SNCG: variants seen among roughly 807,000 people sequenced by gnomAD.
SNCG encodes synuclein gamma, also known as gamma-synuclein.
In SNCG, 13 loss-of-function variants were observed where a neutral mutation model predicts 16.0. The ratio of observed to expected loss-of-function variants is 0.81; its 90% CI spans 0.53 to 1.29. SNCG has a LOEUF of 1.29. Among genes scored for constraint, SNCG ranks in the 50% most tolerant of loss-of-function variants. SNCG has a pLI of 0.00. For missense variants in SNCG, 154 were observed against 168.5 expected, an observed-to-expected ratio of 0.91 and a Z score of 0.48; for synonymous variants, 66 against 66.3, an observed-to-expected ratio of 1.00 and a Z score of 0.02.
chr10:86,958,364 A>C, upstream of SNCG: 2 of 985,400 alleles, frequency 2.0e-6, no homozygotes, highest in Non-Finnish European at 2.4e-6. Flanking sequence ...TGAATGAGGG[A>C]CAGGTTGGGA....
intron 3 of SNCG, among the ~76,000 whole-genome samples, chr10:86,962,353 CTG>C (rs1844368078): frequency 6.6e-6 from 1 of 152,204 alleles, no homozygotes; most frequent in African/African-American, 2.4e-5. Flanking sequence ...TTCCCAGAGA[CTG>C]GGGACCAGCT....
At chr10:86,960,201 C>A (rs1206838230) in intron 3 of SNCG, 73 bp downstream of exon 3, 2 of 1,421,062 alleles carry the variant, frequency 1.4e-6, no homozygotes, top group Non-Finnish European at 1.9e-6. Flanking sequence ...GGCGGCATCA[C>A]TCCACTCCAC....
rs182117033 is a variant in SNCG, at chr10:86,962,697, T to A, written c.363+22T>A. On this transcript the variant is annotated intron_variant, in intron 4 of 4. Transcript: ENST00000372017. Reference sequence around the variant, plus strand: ...GGAGGTAGGAGCTGGGCTCCTGGGGTGCACCATGGGGGGTTCCTTGGTAGG... The same window carrying A: ...GGAGGTAGGAGCTGGGCTCCTGGGGAGCACCATGGGGGGTTCCTTGGTAGG... The A allele has an allele frequency of 1.4e-4, 224 of 1,588,436 alleles. 3 individuals carry two copies. The East Asian group carries it at 5.0e-3, about 35-fold the overall frequency.
chr10:86,961,005 G>A (rs188318510), intron 3 of SNCG, among the ~76,000 whole-genome samples: 8 of 152,332 alleles, frequency 5.3e-5, no homozygotes, highest in Admixed American at 2.6e-4. Flanking sequence ...CTGTGGCAGT[G>A]TAAGTGGTGG....
In SNCG at chr10:86,959,842, C is replaced by T. The variant is rs566092910; in HGVS notation, c.164-159C>T. The T allele has an allele frequency of 3.9e-4, 519 of 1,319,532 alleles. No homozygotes were observed. The highest frequency in any genetic ancestry group is 5.1e-4 in the Non-Finnish European group (498 of 968,184). 81.7% of individuals were successfully genotyped at this position (1,319,532 alleles called of 1,614,324 possible). Reference sequence around the variant, plus strand: ...TAAACTAGGGTGGGCGTCTCCTTACCCCCACCAGCATCAGAGGTGCCCTGG... The same window carrying T: ...TAAACTAGGGTGGGCGTCTCCTTACTCCCACCAGCATCAGAGGTGCCCTGG... On this transcript the variant is annotated intron_variant, in intron 2 of 4. Transcript: ENST00000372017. The surrounding 1 kb of genome is among the most constrained non-coding windows in gnomAD (Gnocchi z 4.3).
chr10:86,963,123 G>C lies in SNCG; in HGVS notation c.*138G>C, dbSNP rs528732147. 7.2e-6 allele frequency: 6 copies of C among 833,674 alleles called. No individual in the cohort carries two copies. The South Asian group carries it at 1.0e-4, about 14-fold the overall frequency. 51.6% of individuals were successfully genotyped at this position (833,674 alleles called of 1,614,324 possible). ...GCCCTCGTCTCCCTGGCCACCCTTGGCCTGTCCACCTGTGCTGCTGCACCA... is the reference window on the plus strand; with the variant it reads ...GCCCTCGTCTCCCTGGCCACCCTTGCCCTGTCCACCTGTGCTGCTGCACCA... On this transcript the variant is annotated 3_prime_UTR_variant, in exon 5 of 5. Transcript: ENST00000372017.
intron 4 of SNCG, 131 bp downstream of exon 4, chr10:86,962,806 G>C: frequency 8.8e-7 from 1 of 1,130,928 alleles, no homozygotes; most frequent in South Asian, 1.5e-5. Context: ...AGCCCCTACA[G>C]GGACTGTGTA....
rs540522786 is a variant in SNCG, at chr10:86,958,739, C to A, written c.42C>A (p.Gly14=). 2 of 1,613,952 alleles carry A rather than the reference C, an allele frequency of 1.2e-6. No homozygotes were observed. The highest frequency in any genetic ancestry group is 1.3e-5 in the African/African-American group (1 of 75,058). The change falls in exon 1 of 5, where the codon GGC becomes GGA. Residue 14 remains glycine (G), a synonymous_variant. Coordinates refer to ENST00000372017, the MANE Select transcript of SNCG (RefSeq NM_003087.3). ...FKKGFSIAKE[G]VVGAVEKTKQ... is the part of the protein sequence containing the mutation. ...AGGGCTTCTCCATCGCCAAGGAGGG[C>A]GTGGTGGGTGCGGTGGAAAAGACCA...
rs1308870050 is a variant in SNCG, at chr10:86,959,669, C to T, written c.158C>T (p.Thr53Ile). The change falls in exon 2 of 5, where the codon ACC (threonine) becomes ATC (isoleucine). Residue 53 changes from threonine (T) to isoleucine (I), a missense_variant. By Grantham distance (89) the Thr-to-Ile change is moderately conservative (BLOSUM62 -1). Coordinates refer to ENST00000372017, the MANE Select transcript of SNCG (RefSeq NM_003087.3). The surrounding 1 kb of genome is among the most constrained non-coding windows in gnomAD (Gnocchi z 4.3). Reference protein sequence around the residue: ...KTKENVVQSVTSVAEKTKEQA... With the variant: ...KTKENVVQSVISVAEKTKEQA... Reference sequence around the variant, plus strand: ...AAGGAGAATGTTGTACAGAGCGTGACCTCAGGTGAGAAGCCCCAGGGCCAG... The same window carrying T: ...AAGGAGAATGTTGTACAGAGCGTGATCTCAGGTGAGAAGCCCCAGGGCCAG... 1 of 1,609,854 alleles carries T rather than the reference C, an allele frequency of 6.2e-7. No homozygotes were observed. The highest frequency in any genetic ancestry group is 1.3e-5 in the African/African-American group (1 of 74,782).
chr10:86,957,742 A>T (rs1844260615), upstream of SNCG: 2 of 1,377,084 alleles, frequency 1.5e-6, no homozygotes, highest in African/African-American at 1.5e-5. Context: ...GGGGCCGCCA[A>T]CCACACAAGC....
Position 86,959,524 on chromosome 10 carries a change from T to A in SNCG, c.122-109T>A. Reference sequence around the variant, plus strand: ...GGCCGCCGGCCCCCAGACACCATCCTTACCCCCCCACCGACCCCACAGTTT... The same window carrying A: ...GGCCGCCGGCCCCCAGACACCATCCATACCCCCCCACCGACCCCACAGTTT... On this transcript the variant is annotated intron_variant, in intron 1 of 4. Coordinates refer to ENST00000372017, the MANE Select transcript of SNCG (RefSeq NM_003087.3). This position sits in a 1 kb window ranked among gnomAD's most constrained non-coding sequence, Gnocchi z 4.3. The A allele has an allele frequency of 1.1e-6, 1 of 901,088 alleles. No homozygotes were observed. Among genetic ancestry groups the A allele is most frequent in the Non-Finnish European group, 1.8e-6 (1 of 557,444 alleles). The allele number at this position is 901,088 out of a possible 1,614,324, so 55.8% of individuals were successfully genotyped here.
chr10:86,962,522 G>T (rs994115018), intron 3 of SNCG, 82 bp from the exon 4 acceptor site: 49 of 1,016,292 alleles, frequency 4.8e-5, no homozygotes, highest in Non-Finnish European at 7.1e-5. Flanking sequence ...TTGAGGCCAG[G>T]GTAGACAAGG....
upstream of SNCG, chr10:86,957,316 T>G: frequency 6.4e-7 from 1 of 1,566,006 alleles, no homozygotes; most frequent in Non-Finnish European, 8.8e-7. Context: ...GAGGCTCTGC[T>G]CTAGCTGAGC....
chr10:86,963,137 G>A lies in SNCG; in HGVS notation c.*152G>A, dbSNP rs1287181140. The A allele has an allele frequency of 4.6e-6, 3 of 647,312 alleles. No individual in the cohort carries two copies. Among genetic ancestry groups the A allele is most frequent in the Admixed American group, 6.9e-5 (2 of 29,060 alleles). The allele number at this position is 647,312 out of a possible 1,614,324, so 40.1% of individuals were successfully genotyped here. On this transcript the variant is annotated 3_prime_UTR_variant, in exon 5 of 5. Transcript: ENST00000372017. ...GGCCACCCTTGGCCTGTCCACCTGT[G>A]CTGCTGCACCAACCTCACTGCCCTC...
upstream of SNCG, chr10:86,957,659 GA>G: frequency 7.1e-7 from 1 of 1,405,190 alleles, no homozygotes; most frequent in South Asian, 1.4e-5. Flanking sequence ...GGACAACAAA[GA>G]GAGGAAGTGG....
chr10:86,958,497 T>TCCCCAC, upstream of SNCG: 1 of 1,098,156 alleles, frequency 9.1e-7, no homozygotes, highest in South Asian at 1.7e-5. Context: ...TGAACCTCCT[T>TCCCCAC]CCCTCCCTCC....
upstream of SNCG, chr10:86,958,482 G>A (rs2133693019): frequency 1.4e-6 from 2 of 1,393,880 alleles, no homozygotes; most frequent in Admixed American, 3.0e-5. Context: ...GGAGGAAGGT[G>A]AGGCTGAACC....
At position 86,959,592 on chromosome 10, in the gene SNCG, CTCGAGGGAGGTCTGGG is replaced by C; in HGVS notation, c.122-40_122-25del. The C allele has an allele frequency of 6.2e-7, 1 of 1,605,694 alleles. No homozygotes were observed. Among genetic ancestry groups the C allele is most frequent in the Non-Finnish European group, 8.5e-7 (1 of 1,172,690 alleles). On this transcript the variant is annotated intron_variant, in intron 1 of 4. Coordinates refer to ENST00000372017, the MANE Select transcript of SNCG (RefSeq NM_003087.3). This position sits in a 1 kb window ranked among gnomAD's most constrained non-coding sequence, Gnocchi z 4.3. The stretch of plus-strand genomic sequence containing the variant: ...TGTTTGTCCTGACCGCCCCCAACAC[CTCGAGGGAGGTCTGGG>C]CTGACAGCTCCATTTCCTCCCCAGG...
rs1030645511 is a variant in SNCG, at chr10:86,963,074, T to G, written c.*89T>G. 1 of 1,366,246 alleles carries G rather than the reference T, an allele frequency of 7.3e-7. No individual in the cohort carries two copies. The highest frequency in any genetic ancestry group is 1.0e-6 in the Non-Finnish European group (1 of 998,484). 84.6% of individuals were successfully genotyped at this position (1,366,246 alleles called of 1,614,324 possible). On this transcript the variant is annotated 3_prime_UTR_variant, in exon 5 of 5. Transcript: ENST00000372017. ...TAGCACAAGGAGTGCCCGCCTTGAG[T>G]GACATGCGGCTGCCCACGCTCCTGC...
Sources: gnomAD v4.1 joint callset for allele counts (sites outside exome capture counted in the v4.1 genomes callset) on GRCh38, gnomAD v4.1.1 for gene constraint, Gnocchi (gnomAD v3.1) non-coding constraint, MANE v1.5 for transcripts, NCBI Gene and HGNC (gene_info 2026-07-23, HGNC 2026-07-21) for gene names.